The following PRELID2 variants were observed in gnomAD, a reference collection of about 807,000 sequenced individuals.
The protein encoded by PRELID2 is PRELI domain-containing protein 2.
In PRELID2, 25 loss-of-function variants were observed where a neutral mutation model predicts 28.4. That is an observed-to-expected ratio of 0.88 (90% CI 0.64 to 1.23). The LOEUF (loss-of-function observed/expected upper bound fraction) is 1.23, where lower values mean the gene tolerates loss of function less well. PRELID2 is among the 50% of genes most tolerant of loss of function. The pLI is 0.00. For missense variants in PRELID2, 201 were observed against 214.4 expected (o/e 0.94, Z 0.39); for synonymous variants, 76 against 71.6 (o/e 1.06, Z -0.31).
At chr5:145,380,997 G>A in the PRELID2 span, among the ~76,000 whole-genome samples, 1 of 152,112 alleles carries the variant, frequency 6.6e-6, no homozygotes, top group Non-Finnish European at 1.5e-5. Context: ...GGTGTTAAAT[G>A]TTTAAAGAAT....
intron 1 of PRELID2, among the ~76,000 whole-genome samples, chr5:145,549,492 G>A (rs1752814711): frequency 6.6e-6 from 1 of 152,206 alleles, no homozygotes; most frequent in African/African-American, 2.4e-5. Context: ...AAGTGTAAGA[G>A]TACATGCCAG....
intron 1 of PRELID2, among the ~76,000 whole-genome samples, chr5:145,581,918 T>C (rs1753111033): frequency 6.6e-6 from 1 of 152,094 alleles, no homozygotes; most frequent in East Asian, 1.9e-4. Context: ...AGTTATCTTT[T>C]TTTGTTCCAA....
the PRELID2 span, among the ~76,000 whole-genome samples, chr5:145,234,577 TC>T: frequency 6.6e-6 from 1 of 152,018 alleles, no homozygotes; most frequent in African/African-American, 2.4e-5. Flanking sequence ...GCGTTCCAAC[TC>T]CCATTTCCAT....
chr5:145,533,846 CAAG>C (rs1287193881), intron 1 of PRELID2, among the ~76,000 whole-genome samples: 1 of 152,004 alleles, frequency 6.6e-6, no homozygotes, highest in Non-Finnish European at 1.5e-5. Flanking sequence ...CTAGTCAAAG[CAAG>C]AATTCAGGTG....
intron 1 of PRELID2, among the ~76,000 whole-genome samples, chr5:145,574,179 C>T (rs1045606396): frequency 1.3e-5 from 2 of 152,086 alleles, no homozygotes; most frequent in African/African-American, 4.8e-5. Context: ...AACCCAACTT[C>T]GTTAGCTATG....
chr5:145,281,764 G>A, the PRELID2 span, among the ~76,000 whole-genome samples: 2 of 152,154 alleles, frequency 1.3e-5, no homozygotes, highest in Non-Finnish European at 2.9e-5. Context: ...GAAAGAGTAC[G>A]ATCAATACAG....
chr5:145,379,338 G>T, the PRELID2 span, among the ~76,000 whole-genome samples: 40 of 152,294 alleles, frequency 2.6e-4, no homozygotes, highest in East Asian at 7.3e-3. Flanking sequence ...GTGCTGGACT[G>T]CCTGACTCCC....
chr5:145,594,631 A>T lies in PRELID2; in HGVS notation n.71-121316T>A, dbSNP rs559376372. ...GTCCAACTTATGTAGCCACAAAAGT[A>T]ATTATATAGATGTATATTTATTGAC... is the stretch of plus-strand genomic sequence containing the variant. On this transcript the variant is annotated intron_variant and non_coding_transcript_variant, in intron 1 of 2. Transcript: ENST00000510259. 7.9e-5 allele frequency among the ~76,000 whole-genome samples: 12 copies of T among 151,946 alleles called. 1 individual carries two copies. Among genetic ancestry groups the T allele is most frequent in the African/African-American group, 2.9e-4 (12 of 41,212 alleles).
chr5:145,360,039 A>T, the PRELID2 span, among the ~76,000 whole-genome samples: 1 of 152,224 alleles, frequency 6.6e-6, no homozygotes, highest in South Asian at 2.1e-4. Flanking sequence ...TATGAAGCCC[A>T]AGGCTTGGGC....
At chr5:145,484,948 G>A (rs1286776152) in intron 1 of PRELID2, among the ~76,000 whole-genome samples, 8 of 152,052 alleles carry the variant, frequency 5.3e-5, no homozygotes, top group Admixed American at 5.2e-4. Context: ...TACTACCAGG[G>A]GCTCTTCTAG....
the PRELID2 span, among the ~76,000 whole-genome samples, chr5:145,331,288 G>A: frequency 6.6e-6 from 1 of 152,186 alleles, no homozygotes; most frequent in African/African-American, 2.4e-5. Context: ...TGTCTATTAG[G>A]TCCACTTGGT....
At chr5:145,742,870 G>T (rs1756874579) in intron 1 of PRELID2, among the ~76,000 whole-genome samples, 1 of 151,790 alleles carries the variant, frequency 6.6e-6, no homozygotes, top group South Asian at 2.1e-4. Context: ...AAAGACAGAA[G>T]ATACAAATTG....
chr5:145,390,708 A>C, the PRELID2 span, among the ~76,000 whole-genome samples: 1 of 152,126 alleles, frequency 6.6e-6, no homozygotes, highest in African/African-American at 2.4e-5. Flanking sequence ...AAGCTCCCAA[A>C]GTCTTAGTTC....
At chr5:145,409,706 G>A in the PRELID2 span, among the ~76,000 whole-genome samples, 1 of 143,484 alleles carries the variant, frequency 7.0e-6, no homozygotes, top group African/African-American at 2.6e-5. Context: ...GAGGTCAGGA[G>A]ATCAAGACCA....
the PRELID2 span, among the ~76,000 whole-genome samples, chr5:145,257,802 T>C: frequency 1.3e-5 from 2 of 152,238 alleles, no homozygotes; most frequent in South Asian, 2.1e-4. Context: ...CTCAAGTGCA[T>C]ATAATATGGT....
chr5:145,686,336 T>C (rs1372375400), intron 1 of PRELID2, among the ~76,000 whole-genome samples: 1 of 152,146 alleles, frequency 6.6e-6, no homozygotes, highest in African/African-American at 2.4e-5. Context: ...TAAATTCGAA[T>C]GAATATTTAT....
chr5:145,444,516 A>G, the PRELID2 span, among the ~76,000 whole-genome samples: 1 of 151,956 alleles, frequency 6.6e-6, no homozygotes, highest in African/African-American at 2.4e-5. Flanking sequence ...CTGTCTCCTG[A>G]GTCATGGGTC....
At chr5:145,509,661 C>T (rs993767029) in intron 1 of PRELID2, among the ~76,000 whole-genome samples, 11 of 152,294 alleles carry the variant, frequency 7.2e-5, no homozygotes, top group African/African-American at 2.4e-4. Context: ...TTTGGTTTTC[C>T]CAAGCTCTTA....
chr5:145,434,440 A>G, the PRELID2 span, among the ~76,000 whole-genome samples: 1 of 152,198 alleles, frequency 6.6e-6, no homozygotes, highest in Non-Finnish European at 1.5e-5. Context: ...ATGTCCTCCA[A>G]ATAACAACCC....
Sources: allele counts gnomAD v4.1 joint callset (sites outside exome capture counted in the v4.1 genomes callset), GRCh38; gene constraint gnomAD v4.1.1; transcripts MANE v1.5; gene names NCBI Gene and HGNC (gene_info 2026-07-23, HGNC 2026-07-21).